The following TMEM132C variants were observed in gnomAD, a reference collection of about 807,000 sequenced individuals.
TMEM132C encodes the protein transmembrane protein 132C.
A neutral mutation model predicts 61.4 loss-of-function variants in TMEM132C; 29 were observed. That is an observed-to-expected ratio of 0.47 (90% CI 0.35 to 0.64). The LOEUF (loss-of-function observed/expected upper bound fraction) is 0.64, where lower values mean the gene tolerates loss of function less well. Ranked by LOEUF, TMEM132C falls within the 30% of genes least tolerant of loss-of-function variation. The pLI is 0.00. For missense variants in TMEM132C, 1,408 were observed against 1,476.9 expected, an observed-to-expected ratio of 0.95 and a Z score of 0.76; for synonymous variants, 656 against 633.1, an observed-to-expected ratio of 1.04 and a Z score of -0.54.
In TMEM132C at chr12:128,706,476, ATGG is replaced by A. The variant is rs1251218795; in HGVS notation, c.*188_*190del. On this transcript the variant is annotated 3_prime_UTR_variant, in exon 9 of 9. Transcript: ENST00000435159. ...TGTATCAAGGGATTTTTAGCAGTTA[ATGG>A]TGGTGGATTTTTAAAGGTCAGGGGA... The A allele has an allele frequency of 3.9e-6, 3 of 778,814 alleles. No individual in the cohort carries two copies. The African/African-American group carries it at 5.2e-5, about 13-fold the overall frequency. The allele number at this position is 778,814 out of a possible 1,614,324, so 48.2% of individuals were successfully genotyped here. A position where few individuals can be genotyped will look rare whatever the true frequency, so the allele number is the denominator to read the frequency against.
At chr12:128,595,623 G>T (rs1360432853) in intron 3 of TMEM132C, among the ~76,000 whole-genome samples, 1 of 152,180 alleles carries the variant, frequency 6.6e-6, no homozygotes, top group Admixed American at 6.5e-5. Context: ...AGGCACGTGG[G>T]GGTGAGCCTG....
chr12:128,473,502 T>A (rs1871047860), intron 2 of TMEM132C, among the ~76,000 whole-genome samples: 1 of 146,278 alleles, frequency 6.8e-6, no homozygotes, highest in Non-Finnish European at 1.5e-5. Context: ...TCATCCTTAC[T>A]CCAGCCTCCA....
chr12:128,334,252 C>A lies in TMEM132C; in HGVS notation c.85+66765C>A, dbSNP rs146624092. On this transcript the variant is annotated intron_variant, in intron 1 of 8. Transcript: ENST00000435159. ...ACATAAGTACTAAAATATTGAAATA[C>A]CCAGGCTGCACCTCAGTGTCAGCCC... Among the ~76,000 whole-genome samples the A allele has an allele frequency of 5.9e-5, 9 of 152,272 alleles. 1 individual carries two copies. The highest frequency in any genetic ancestry group is 5.9e-4 in the Admixed American group (9 of 15,294).
At chr12:128,486,441 C>T (rs545909508) in intron 2 of TMEM132C, among the ~76,000 whole-genome samples, 8 of 152,044 alleles carry the variant, frequency 5.3e-5, no homozygotes, top group South Asian at 4.2e-4. Context: ...GAAATTAGCC[C>T]GAGGAGAGTC....
At chr12:128,474,023 C>A (rs1013728535) in intron 2 of TMEM132C, among the ~76,000 whole-genome samples, 1 of 152,188 alleles carries the variant, frequency 6.6e-6, no homozygotes, top group Non-Finnish European at 1.5e-5. Flanking sequence ...TTATTGTCAT[C>A]TCGGGTCCCT....
Position 128,706,026 on chromosome 12 carries a change from C to G in TMEM132C, c.3058C>G (p.His1020Asp). ...HLLLNGGSHKHVQSQIHRSAD... is the reference protein window; with the variant it reads ...HLLLNGGSHKDVQSQIHRSAD... Reference sequence around the variant, plus strand: ...CCTGCTCAATGGTGGCTCCCACAAGCACGTGCAGAGCCAGATTCACAGGTC... The same window carrying G: ...CCTGCTCAATGGTGGCTCCCACAAGGACGTGCAGAGCCAGATTCACAGGTC... Residue 1020 changes from histidine (H) to aspartate (D), a missense_variant, in exon 9 of 9, where the codon CAC (histidine) becomes GAC (aspartate). Transcript: ENST00000435159. The G allele has an allele frequency of 6.4e-7, 1 of 1,551,756 alleles. No individual in the cohort carries two copies.
chr12:128,504,414 A>G (rs1872286295), intron 2 of TMEM132C, among the ~76,000 whole-genome samples: 1 of 152,202 alleles, frequency 6.6e-6, no homozygotes, highest in African/African-American at 2.4e-5. Context: ...AATGTTGGAC[A>G]ATCTTTGGAA....
intron 4 of TMEM132C, among the ~76,000 whole-genome samples, chr12:128,647,521 T>A (rs1954217231): frequency 6.6e-6 from 1 of 151,990 alleles, no homozygotes; most frequent in African/African-American, 2.4e-5. Flanking sequence ...GATATGAGTG[T>A]GTTTACTGGG....
chr12:128,590,657 T>C (rs11059784), intron 3 of TMEM132C, among the ~76,000 whole-genome samples: 3 of 152,028 alleles, frequency 2.0e-5, no homozygotes, highest in Non-Finnish European at 4.4e-5. Flanking sequence ...TGGTGTTGAG[T>C]CACATCACAT....
chr12:128,592,250 T>C (rs1033932465), intron 3 of TMEM132C, among the ~76,000 whole-genome samples: 5 of 152,166 alleles, frequency 3.3e-5, no homozygotes, highest in African/African-American at 1.2e-4. Context: ...ATGCTGCTGC[T>C]GTTTAGTTTT....
At chr12:128,281,858 C>G (rs1870908564) in intron 1 of TMEM132C, among the ~76,000 whole-genome samples, 1 of 152,198 alleles carries the variant, frequency 6.6e-6, no homozygotes, top group Admixed American at 6.5e-5. Flanking sequence ...TCCACTTCCC[C>G]CTTCAGGTGA....
intron 1 of TMEM132C, among the ~76,000 whole-genome samples, chr12:128,352,326 C>T (rs1248687525): frequency 6.6e-6 from 1 of 152,064 alleles, no homozygotes. Flanking sequence ...TTGGGGAAAG[C>T]CCCTCATAAA....
intron 3 of TMEM132C, among the ~76,000 whole-genome samples, chr12:128,548,028 C>G (rs185158445): frequency 6.6e-5 from 10 of 152,196 alleles, no homozygotes; most frequent in African/African-American, 2.2e-4. Flanking sequence ...TACATAGAAG[C>G]CTTCTACATC....
At chr12:128,478,129 G>C (rs552765722) in intron 2 of TMEM132C, among the ~76,000 whole-genome samples, 1 of 152,256 alleles carries the variant, frequency 6.6e-6, no homozygotes, top group Non-Finnish European at 1.5e-5. Context: ...AATAGGTGAA[G>C]CATCTCTATT....
chr12:128,538,012 A>G (rs896885870), intron 2 of TMEM132C, among the ~76,000 whole-genome samples: 49 of 151,908 alleles, frequency 3.2e-4, no homozygotes, highest in African/African-American at 9.9e-4. Flanking sequence ...CAGTGCTATC[A>G]TAGCTCCTCC....
chr12:128,306,159 G>A (rs895043564), intron 1 of TMEM132C, among the ~76,000 whole-genome samples: 3 of 151,460 alleles, frequency 2.0e-5, no homozygotes, highest in African/African-American at 7.3e-5. Context: ...ACATTTAGAT[G>A]TGAACATTTC....
At chr12:128,426,179 A>AG (rs1484235403) in intron 2 of TMEM132C, among the ~76,000 whole-genome samples, 6 of 152,240 alleles carry the variant, frequency 3.9e-5, no homozygotes, top group African/African-American at 1.4e-4. Context: ...TCTCCGCCGG[A>AG]GGAGTCTAGA....
chr12:128,284,467 C>T (rs891140576), intron 1 of TMEM132C, among the ~76,000 whole-genome samples: 43 of 152,240 alleles, frequency 2.8e-4, no homozygotes, highest in African/African-American at 1.0e-3. Context: ...GGGTCTATCT[C>T]CATGGTCCTT....
chr12:128,644,771 G>A (rs575356073), intron 4 of TMEM132C, among the ~76,000 whole-genome samples: 7 of 152,192 alleles, frequency 4.6e-5, no homozygotes, highest in Non-Finnish European at 1.0e-4. Flanking sequence ...GGGCTCTGGA[G>A]GTGTTGACAA....
Sources: gnomAD v4.1 joint callset for allele counts (sites outside exome capture counted in the v4.1 genomes callset) on GRCh38, gnomAD v4.1.1 for gene constraint, MANE v1.5 for transcripts, NCBI Gene and HGNC (gene_info 2026-07-23, HGNC 2026-07-21) for gene names.